TMEM100: variants seen among roughly 807,000 people sequenced by gnomAD.
The protein encoded by TMEM100 is transmembrane protein 100.
For synonymous variants in TMEM100, 61 were observed against 67.1 expected, an observed-to-expected ratio of 0.91 and a Z score of 0.44; for missense variants, 137 against 168.2, an observed-to-expected ratio of 0.81 and a Z score of 1.02.
At chr17:55,728,932 G>T (rs1909136192) in intron 1 of TMEM100, among the ~76,000 whole-genome samples, 1 of 152,234 alleles carries the variant, frequency 6.6e-6, no homozygotes, top group East Asian at 1.9e-4. Context: ...GCTTTGAAAA[G>T]TGCAAGTCTT....
At chr17:55,727,492 T>C (rs55966270), upstream of TMEM100, among the ~76,000 whole-genome samples, 2,907 of 152,180 alleles carry the variant, frequency 0.019, 95 homozygotes, top group African/African-American at 0.067. Flanking sequence ...ACCTCACCCC[T>C]TTGCCACTCC....
chr17:55,721,192 A>G (rs1223957879), intron 1 of TMEM100, 57 bp from the exon 2 acceptor site: 1 of 1,205,338 alleles, frequency 8.3e-7, no homozygotes, highest in Non-Finnish European at 1.1e-6. Context: ...CCCTGTAAGC[A>G]GAAATGAAAA....
rs1234944244 is a variant in TMEM100, at chr17:55,732,025, G to C, written c.-713C>G. The C allele has an allele frequency of 2.0e-5, 3 of 152,276 alleles. No individual in the cohort carries two copies. The East Asian group carries it at 5.8e-4, about 29-fold the overall frequency. 9.4% of individuals were successfully genotyped at this position (152,276 alleles called of 1,614,324 possible). On this transcript the variant is annotated 5_prime_UTR_variant, in exon 1 of 4. Transcript: ENST00000575734. Reference sequence around the variant, plus strand: ...AACTTTAGGGAAGACTGATAGGAAAGCCCAAGGGTGAATCTCTCTGGGAAC... The same window carrying C: ...AACTTTAGGGAAGACTGATAGGAAACCCCAAGGGTGAATCTCTCTGGGAAC...
At chr17:55,726,622 G>A (rs907542298), upstream of TMEM100, among the ~76,000 whole-genome samples, 4 of 152,180 alleles carry the variant, frequency 2.6e-5, no homozygotes, top group African/African-American at 4.8e-5. Flanking sequence ...GAGGATGCCA[G>A]TTCCTCTTGG....
At chr17:55,724,583 T>A (rs931223468), upstream of TMEM100, among the ~76,000 whole-genome samples, 9 of 152,158 alleles carry the variant, frequency 5.9e-5, no homozygotes, top group African/African-American at 2.2e-4. Context: ...CTTGAGAAGC[T>A]CCTTAACAGA....
intron 1 of TMEM100, chr17:55,721,437 A>G (rs977094230): frequency 1.0e-5 from 2 of 190,596 alleles, no homozygotes; most frequent in African/African-American, 4.7e-5. Flanking sequence ...TCCTCTGAAT[A>G]CACAGAAATG....
At chr17:55,728,865 A>C (rs1242841791) in intron 1 of TMEM100, among the ~76,000 whole-genome samples, 1 of 152,150 alleles carries the variant, frequency 6.6e-6, no homozygotes, top group Non-Finnish European at 1.5e-5. Context: ...TAACATTATA[A>C]ATAGAAAAGG....
intron 1 of TMEM100, among the ~76,000 whole-genome samples, chr17:55,728,257 A>G: frequency 6.6e-6 from 1 of 152,160 alleles, no homozygotes; most frequent in South Asian, 2.1e-4. Context: ...TGAGGAATTC[A>G]TTTTTAAAAT....
At chr17:55,723,209 G>T (rs1908963166), upstream of TMEM100, among the ~76,000 whole-genome samples, 1 of 152,176 alleles carries the variant, frequency 6.6e-6, no homozygotes, top group Non-Finnish European at 1.5e-5. Context: ...AGGGGACAGA[G>T]CCGAGGGGAC....
intron 1 of TMEM100, among the ~76,000 whole-genome samples, chr17:55,730,645 T>A (rs1320212439): frequency 6.6e-6 from 1 of 152,182 alleles, no homozygotes. Flanking sequence ...GTTATATTAA[T>A]TGAGGATAGA....
At chr17:55,724,544 G>C (rs771030262), upstream of TMEM100, among the ~76,000 whole-genome samples, 1 of 152,152 alleles carries the variant, frequency 6.6e-6, no homozygotes, top group Non-Finnish European at 1.5e-5. Context: ...TGGTAAGATG[G>C]GGGCCGCTGG....
upstream of TMEM100, among the ~76,000 whole-genome samples, chr17:55,727,643 C>T (rs1007201848): frequency 2.6e-5 from 4 of 152,172 alleles, no homozygotes; most frequent in Admixed American, 1.3e-4. Context: ...GACTCCTAAT[C>T]GCTGTACAAT....
At chr17:55,727,315 CGA>C (rs1313843289), upstream of TMEM100, among the ~76,000 whole-genome samples, 1 of 152,200 alleles carries the variant, frequency 6.6e-6, no homozygotes, top group African/African-American at 2.4e-5. Flanking sequence ...GCCCGAAGTT[CGA>C]GAGTTACCTC....
upstream of TMEM100, among the ~76,000 whole-genome samples, chr17:55,727,519 C>T (rs1268966899): frequency 6.6e-6 from 1 of 152,148 alleles, no homozygotes; most frequent in East Asian, 1.9e-4. Flanking sequence ...TACCTGATAG[C>T]ATGGAGCCCT....
At chr17:55,723,223 T>C (rs61660861), upstream of TMEM100, among the ~76,000 whole-genome samples, 1,183 of 152,260 alleles carry the variant, frequency 7.8e-3, 18 homozygotes, top group African/African-American at 0.027. Flanking sequence ...AGGGGACAGA[T>C]ACTCTAGGGT....
At chr17:55,727,586 G>T (rs1051492013), upstream of TMEM100, among the ~76,000 whole-genome samples, 10 of 152,152 alleles carry the variant, frequency 6.6e-5, no homozygotes, top group African/African-American at 2.4e-5. Flanking sequence ...AATATCACTT[G>T]TCTTGGTCAT....
At chr17:55,725,617 C>G (rs1183961777), upstream of TMEM100, among the ~76,000 whole-genome samples, 1 of 151,728 alleles carries the variant, frequency 6.6e-6, no homozygotes, top group East Asian at 1.9e-4. Context: ...AATTAAGGGA[C>G]CGGAGACAAT....
chr17:55,726,118 C>T (rs1355798522), upstream of TMEM100, among the ~76,000 whole-genome samples: 1 of 152,076 alleles, frequency 6.6e-6, no homozygotes, highest in East Asian at 1.9e-4. Context: ...CCTATTGGTG[C>T]TCTTCATTGG....
intron 1 of TMEM100, 193 bp from the exon 2 acceptor site, chr17:55,721,328 G>T: frequency 2.4e-6 from 1 of 418,760 alleles, no homozygotes; most frequent in Non-Finnish European, 4.2e-6. Flanking sequence ...TGCATATGAA[G>T]GGAAGACAGA....
Sources: allele counts gnomAD v4.1 joint callset (sites outside exome capture counted in the v4.1 genomes callset), GRCh38; gene constraint gnomAD v4.1.1; transcripts MANE v1.5; gene names NCBI Gene and HGNC (gene_info 2026-07-23, HGNC 2026-07-21).